The following RORA variants were observed in gnomAD, a reference collection of about 807,000 sequenced individuals.
RORA encodes the protein RAR related orphan receptor A.
In RORA, 7 loss-of-function variants were observed where a neutral mutation model predicts 69.5. That is an observed-to-expected ratio of 0.10 (90% CI 0.06 to 0.19). The LOEUF is 0.19. RORA is among the 10% of genes least tolerant of loss of function. The pLI, the probability that RORA is intolerant of heterozygous loss-of-function variation, is 1.00. For missense variants in RORA, 457 were observed against 663.0 expected, an observed-to-expected ratio of 0.69 and a Z score of 3.41; for synonymous variants, 261 against 240.8, an observed-to-expected ratio of 1.08 and a Z score of -0.78.
At position 60,739,607 on chromosome 15, in the gene RORA, C is replaced by T. The variant is rs979943349; in HGVS notation, c.167-60921G>A. On this transcript the variant is annotated intron_variant, in intron 1 of 10. Transcript: ENST00000335670. ...AGTTTTTTTTAAAGGAAATACTTCA[C>T]CACACTTCCAGGAAGATTTTGTGTG... Among the ~76,000 whole-genome samples, 68 of 151,986 alleles carry T rather than the reference C, an allele frequency of 4.5e-4. 1 individual carries two copies. Among genetic ancestry groups the T allele is most frequent in the Non-Finnish European group, 1.0e-4 (7 of 68,008 alleles).
chr15:61,043,921 T>C (rs1896904382), intron 1 of RORA, among the ~76,000 whole-genome samples: 1 of 152,126 alleles, frequency 6.6e-6, no homozygotes, highest in African/African-American at 2.4e-5. Context: ...TCAAGAGAAT[T>C]TGCAGTAATG....
chr15:61,046,720 G>A (rs1198356082), intron 1 of RORA, among the ~76,000 whole-genome samples: 1 of 152,194 alleles, frequency 6.6e-6, no homozygotes, highest in Non-Finnish European at 1.5e-5. Context: ...ACTGAGGAAA[G>A]GGAGCTAGAA....
At chr15:61,221,595 A>G (rs1026375840) in intron 1 of RORA, among the ~76,000 whole-genome samples, 1 of 152,186 alleles carries the variant, frequency 6.6e-6, no homozygotes, top group Non-Finnish European at 1.5e-5. Flanking sequence ...TGTCATTTAT[A>G]CACAATTTTA....
chr15:60,802,402 A>G (rs1272551659), intron 1 of RORA, among the ~76,000 whole-genome samples: 1 of 152,204 alleles, frequency 6.6e-6, no homozygotes, highest in Non-Finnish European at 1.5e-5. Flanking sequence ...TCCTGTAAAG[A>G]GGCTCATTTC....
rs1378483165 is a variant in RORA at position 61,008,695 on chromosome 15, C to A, written c.166+220358G>T. Reference sequence around the variant, plus strand: ...TTCCTTTGTACACATTTGACTTACCCCTTTTTAATGCCTTTTACTTGATTC... The same window carrying A: ...TTCCTTTGTACACATTTGACTTACCACTTTTTAATGCCTTTTACTTGATTC... On this transcript the variant is annotated intron_variant, in intron 1 of 10. Transcript: ENST00000335670. 3.3e-5 allele frequency among the ~76,000 whole-genome samples: 5 copies of A among 152,176 alleles called. No homozygotes were observed. The East Asian group carries it at 9.7e-4, about 29-fold the overall frequency.
At chr15:60,862,741 A>AG (rs1320284097) in intron 1 of RORA, among the ~76,000 whole-genome samples, 1 of 152,194 alleles carries the variant, frequency 6.6e-6, no homozygotes, top group African/African-American at 2.4e-5. Flanking sequence ...AGCTATTTAA[A>AG]GGGGGAGTGA....
Position 60,495,545 on chromosome 15 carries a change from CT to C in RORA, c.*1909del, listed in dbSNP as rs1269005781. 7 of 152,210 alleles carry C rather than the reference CT, an allele frequency of 4.6e-5. No homozygotes were observed. Among genetic ancestry groups the C allele is most frequent in the Admixed American group, 4.6e-4 (7 of 15,280 alleles). 9.4% of individuals were successfully genotyped at this position (152,210 alleles called of 1,614,324 possible). A position where few individuals can be genotyped will look rare whatever the true frequency, so the allele number is the denominator to read the frequency against. On this transcript the variant is annotated 3_prime_UTR_variant, in exon 11 of 11. Coordinates refer to ENST00000335670, the MANE Select transcript of RORA (RefSeq NM_134261.3). The stretch of plus-strand genomic sequence containing the variant: ...GGAGTTAGAAACAGAGTGAAGTGCT[CT>C]GGGAAGCCCATGCTGGTAACCTAGC...
At chr15:60,893,613 T>A (rs1032010705) in intron 1 of RORA, among the ~76,000 whole-genome samples, 9 of 152,070 alleles carry the variant, frequency 5.9e-5, no homozygotes, top group Non-Finnish European at 7.4e-5. Context: ...TTTTAAAAAA[T>A]TTTAAATTTT....
At chr15:60,620,024 C>T (rs528243507) in intron 2 of RORA, among the ~76,000 whole-genome samples, 5 of 152,324 alleles carry the variant, frequency 3.3e-5, no homozygotes, top group Non-Finnish European at 1.5e-5. Context: ...CCCTTCAACT[C>T]CTGAAGGTCC....
intron 1 of RORA, among the ~76,000 whole-genome samples, chr15:60,994,544 G>A (rs1302030615): frequency 6.6e-6 from 1 of 152,172 alleles, no homozygotes; most frequent in East Asian, 1.9e-4. Context: ...TGCCATCTCT[G>A]CCTTTCCCTG....
chr15:60,900,391 T>C (rs972420204), intron 1 of RORA, among the ~76,000 whole-genome samples: 4 of 152,142 alleles, frequency 2.6e-5, no homozygotes, highest in Admixed American at 6.5e-5. Flanking sequence ...ATCTTCTACA[T>C]TGATGTTGAA....
chr15:61,077,668 A>G (rs1031681573), intron 1 of RORA, among the ~76,000 whole-genome samples: 2 of 152,164 alleles, frequency 1.3e-5, no homozygotes, highest in African/African-American at 4.8e-5. Flanking sequence ...CAGGCTTTCC[A>G]AGGAAAGCCT....
intron 3 of RORA, among the ~76,000 whole-genome samples, chr15:60,517,716 T>C (rs1052869442): frequency 1.3e-5 from 2 of 152,210 alleles, no homozygotes; most frequent in Non-Finnish European, 2.9e-5. Flanking sequence ...CCACCGTTCA[T>C]ACCCTTGTGT....
chr15:60,499,587 G>GA (rs1244743494), intron 10 of RORA, among the ~76,000 whole-genome samples: 1 of 152,164 alleles, frequency 6.6e-6, no homozygotes, highest in Non-Finnish European at 1.5e-5. Context: ...TGTCAGTGCA[G>GA]AATATTAACT....
At chr15:60,678,339 C>G (rs1769943473) in intron 2 of RORA, 1 of 217,314 alleles carries the variant, frequency 4.6e-6, no homozygotes, top group African/African-American at 2.3e-5. Flanking sequence ...ACCAGCTCTT[C>G]TAAGAAGGAT....
chr15:60,930,907 T>C (rs1050689957), intron 1 of RORA, among the ~76,000 whole-genome samples: 1 of 152,210 alleles, frequency 6.6e-6, no homozygotes, highest in Non-Finnish European at 1.5e-5. Context: ...CATCTGCCTA[T>C]ATGAGGCCTC....
At chr15:61,137,771 C>T (rs79786785) in intron 1 of RORA, among the ~76,000 whole-genome samples, 1,663 of 152,310 alleles carry the variant, frequency 0.011, 24 homozygotes, top group African/African-American at 0.039. Flanking sequence ...TATAAAATTA[C>T]ACATTTTATG....
chr15:61,074,367 A>G (rs1327121001), intron 1 of RORA, among the ~76,000 whole-genome samples: 1 of 152,238 alleles, frequency 6.6e-6, no homozygotes, highest in Non-Finnish European at 1.5e-5. Context: ...TTAAAAACAT[A>G]CAAGCACCTA....
chr15:60,915,038 ACTAT>A (rs1218732181), intron 1 of RORA, among the ~76,000 whole-genome samples: 1 of 152,178 alleles, frequency 6.6e-6, no homozygotes, highest in Non-Finnish European at 1.5e-5. Flanking sequence ...GATCAGAGAG[ACTAT>A]CTATCATACC....
Sources: gnomAD v4.1 joint callset for allele counts (sites outside exome capture counted in the v4.1 genomes callset) on GRCh38, gnomAD v4.1.1 for gene constraint, MANE v1.5 for transcripts, NCBI Gene and HGNC (gene_info 2026-07-23, HGNC 2026-07-21) for gene names.